CLVS1: variants seen among roughly 807,000 people sequenced by gnomAD.
CLVS1 encodes the protein clavesin 1, also known as clavesin-1.
A neutral mutation model predicts 33.1 loss-of-function variants in CLVS1; 10 were observed. That is an observed-to-expected ratio of 0.30 (90% CI 0.19 to 0.51). CLVS1 has a LOEUF of 0.51. Ranked by LOEUF, CLVS1 falls within the 20% of genes least tolerant of loss-of-function variation. CLVS1 has a pLI of 0.97. For synonymous variants in CLVS1, 163 were observed against 166.1 expected, an observed-to-expected ratio of 0.98 and a Z score of 0.14; for missense variants, 343 against 433.4, an observed-to-expected ratio of 0.79 and a Z score of 1.85.
the CLVS1 span, among the ~76,000 whole-genome samples, chr8:60,988,297 C>T: frequency 6.6e-6 from 1 of 152,160 alleles, no homozygotes; most frequent in African/African-American, 2.4e-5. Flanking sequence ...CAGATGACCT[C>T]TCCTCAATGC....
At chr8:61,283,841 C>A (rs1026251449), upstream of CLVS1, among the ~76,000 whole-genome samples, 2 of 152,038 alleles carry the variant, frequency 1.3e-5, no homozygotes, top group Non-Finnish European at 2.9e-5. Flanking sequence ...TGGTGGTTGG[C>A]AACACATGGT....
At chr8:61,019,182 A>C in the CLVS1 span, among the ~76,000 whole-genome samples, 6 of 152,262 alleles carry the variant, frequency 3.9e-5, no homozygotes, top group African/African-American at 1.4e-4. Flanking sequence ...CTTCTAAAGC[A>C]TGAGAGTAGG....
At chr8:61,213,095 C>T (rs909386586) in intron 2 of CLVS1, among the ~76,000 whole-genome samples, 1 of 151,872 alleles carries the variant, frequency 6.6e-6, no homozygotes, top group African/African-American at 2.4e-5. Flanking sequence ...CTTCTCCCAT[C>T]CCCGGGGGTA....
At chr8:61,451,770 C>T (rs1439238762) in intron 3 of CLVS1, among the ~76,000 whole-genome samples, 3 of 151,574 alleles carry the variant, frequency 2.0e-5, no homozygotes, top group East Asian at 3.9e-4. Flanking sequence ...TGCTGATTTT[C>T]CCTTCCCTCA....
At chr8:61,389,538 A>G (rs28702932) in intron 3 of CLVS1, among the ~76,000 whole-genome samples, 2 of 150,334 alleles carry the variant, frequency 1.3e-5, no homozygotes, top group African/African-American at 2.5e-5. Flanking sequence ...ATCTCAAAAA[A>G]GGAAAAAAAA....
intron 3 of CLVS1, among the ~76,000 whole-genome samples, chr8:61,431,681 G>T (rs1391326420): frequency 1.3e-5 from 2 of 151,952 alleles, no homozygotes; most frequent in Admixed American, 1.3e-4. Flanking sequence ...TCAAACTAGA[G>T]TATAAGCTCC....
the CLVS1 span, among the ~76,000 whole-genome samples, chr8:61,029,436 G>T: frequency 6.6e-6 from 1 of 152,094 alleles, no homozygotes; most frequent in Non-Finnish European, 1.5e-5. Context: ...GTGGGAGAGA[G>T]GCTGCCCCTT....
At chr8:61,361,457 C>A (rs1563516321) in intron 2 of CLVS1, among the ~76,000 whole-genome samples, 2 of 152,134 alleles carry the variant, frequency 1.3e-5, no homozygotes, top group African/African-American at 4.8e-5. Context: ...AAATTAAATA[C>A]CTCAAAGGAC....
At chr8:61,143,850 A>T (rs1290439908) in intron 2 of CLVS1, among the ~76,000 whole-genome samples, 2 of 147,552 alleles carry the variant, frequency 1.4e-5, no homozygotes, top group East Asian at 1.9e-4. Context: ...TATATACATA[A>T]TATATATACA....
Position 61,394,174 on chromosome 8 carries a change from C to G in CLVS1, c.630+17395C>G, listed in dbSNP as rs558282842. On this transcript the variant is annotated intron_variant, in intron 3 of 5. Coordinates refer to ENST00000325897, the MANE Select transcript of CLVS1 (RefSeq NM_173519.3). ...CCAGCCTTGCCAACATGGTGAAACA[C>G]TATCTCCTCTAAAAATACAATGCAA... is the stretch of plus-strand genomic sequence containing the variant. 2.6e-5 allele frequency among the ~76,000 whole-genome samples: 4 copies of G among 152,354 alleles called. No homozygotes were observed. The East Asian group carries it at 7.7e-4, about 29-fold the overall frequency.
chr8:61,362,805 A>G (rs866760752), intron 2 of CLVS1, among the ~76,000 whole-genome samples: 3 of 152,172 alleles, frequency 2.0e-5, no homozygotes, highest in African/African-American at 7.2e-5. Context: ...TCTCTCCCCA[A>G]GCTTTCCTGA....
intron 1 of CLVS1, among the ~76,000 whole-genome samples, chr8:61,091,819 G>A (rs926835266): frequency 2.6e-5 from 4 of 152,146 alleles, no homozygotes; most frequent in African/African-American, 7.2e-5. Flanking sequence ...ATGTCAGAAA[G>A]GTCACAGTAT....
chr8:61,104,145 G>A (rs1805495431), intron 1 of CLVS1, among the ~76,000 whole-genome samples: 1 of 152,148 alleles, frequency 6.6e-6, no homozygotes, highest in African/African-American at 2.4e-5. Context: ...CTTCTTTGAA[G>A]AGCAAAATCA....
At chr8:61,148,671 C>T (rs1286267639) in intron 2 of CLVS1, among the ~76,000 whole-genome samples, 1 of 152,194 alleles carries the variant, frequency 6.6e-6, no homozygotes, top group Non-Finnish European at 1.5e-5. Context: ...AGCAAGGGAG[C>T]TCTCTGATGG....
the CLVS1 span, among the ~76,000 whole-genome samples, chr8:60,995,877 T>C: frequency 1.3e-5 from 2 of 152,224 alleles, no homozygotes; most frequent in Middle Eastern, 3.4e-3. Context: ...ATGGATGAAA[T>C]TGGAAATCAT....
intron 1 of CLVS1, 30 bp from the exon 2 acceptor site, chr8:61,299,647 C>T: frequency 1.7e-6 from 1 of 575,218 alleles, no homozygotes; most frequent in Non-Finnish European, 3.1e-6. Flanking sequence ...CATCTCTCTT[C>T]TGTTTCTTTT....
At chr8:61,328,100 C>T (rs755484078) in intron 2 of CLVS1, among the ~76,000 whole-genome samples, 2 of 152,006 alleles carry the variant, frequency 1.3e-5, no homozygotes, top group Non-Finnish European at 2.9e-5. Context: ...ATTGTTATGC[C>T]CAATTCTTGG....
intron 3 of CLVS1, 115 bp from the exon 4 acceptor site, chr8:61,454,026 C>A: frequency 1.3e-6 from 1 of 748,278 alleles, no homozygotes; most frequent in Non-Finnish European, 2.4e-6. Flanking sequence ...CATCCTGAAG[C>A]TAGAGCTTCT....
chr8:61,479,133 G>T (rs1404477057), intron 5 of CLVS1, among the ~76,000 whole-genome samples: 1 of 152,116 alleles, frequency 6.6e-6, no homozygotes, highest in Admixed American at 6.6e-5. Context: ...GGCCTGCCTC[G>T]CTATATTGCA....
Sources: allele counts gnomAD v4.1 joint callset (sites outside exome capture counted in the v4.1 genomes callset), GRCh38; gene constraint gnomAD v4.1.1; transcripts MANE v1.5; gene names NCBI Gene and HGNC (gene_info 2026-07-23, HGNC 2026-07-21).